ALCAM: variants seen among roughly 807,000 people sequenced by gnomAD.
ALCAM encodes activated leukocyte cell adhesion molecule.
In ALCAM, 30 loss-of-function variants were observed where a neutral mutation model predicts 70.9. That is an observed-to-expected ratio of 0.42 (90% CI 0.32 to 0.57). The LOEUF is 0.57. Among genes scored for constraint, ALCAM ranks in the 20% least tolerant of loss-of-function variants. The pLI is 0.11. For synonymous variants in ALCAM, 249 were observed against 242.5 expected, an observed-to-expected ratio of 1.03 and a Z score of -0.25; for missense variants, 591 against 695.1, an observed-to-expected ratio of 0.85 and a Z score of 1.68.
intron 1 of ALCAM, among the ~76,000 whole-genome samples, chr3:105,446,056 G>T (rs951681586): frequency 6.6e-6 from 1 of 152,116 alleles, no homozygotes; most frequent in African/African-American, 2.4e-5. Flanking sequence ...TACAGAATGG[G>T]AGAAAATATT....
chr3:105,458,164 A>G (rs1004494066), intron 1 of ALCAM, among the ~76,000 whole-genome samples: 1 of 152,118 alleles, frequency 6.6e-6, no homozygotes, highest in African/African-American at 2.4e-5. Context: ...TCATTCAGAG[A>G]TATATTTTAG....
chr3:105,495,333 A>G (rs1173579778), intron 1 of ALCAM, among the ~76,000 whole-genome samples: 1 of 152,204 alleles, frequency 6.6e-6, no homozygotes, highest in African/African-American at 2.4e-5. Flanking sequence ...CAGATTCTCT[A>G]TAAGTAGGAA....
chr3:105,572,784 G>A (rs1370182343), intron 15 of ALCAM, among the ~76,000 whole-genome samples: 2 of 152,118 alleles, frequency 1.3e-5, no homozygotes, highest in Non-Finnish European at 2.9e-5. Flanking sequence ...GACTCAGAAA[G>A]TGTTTTCGGA....
intron 1 of ALCAM, among the ~76,000 whole-genome samples, chr3:105,373,659 C>A (rs1006476468): frequency 6.6e-6 from 1 of 152,168 alleles, no homozygotes; most frequent in South Asian, 2.1e-4. Flanking sequence ...GTTTTTACCA[C>A]ATTGTATTAT....
At chr3:105,511,411 G>C (rs1165393599) in intron 1 of ALCAM, among the ~76,000 whole-genome samples, 1 of 151,818 alleles carries the variant, frequency 6.6e-6, no homozygotes, top group Non-Finnish European at 1.5e-5. Flanking sequence ...ATTTATCTTG[G>C]ACAAACATTC....
At position 105,461,334 on chromosome 3, in the gene ALCAM, T is replaced by C. The variant is rs149454090; in HGVS notation, c.74-58733T>C. ...TGCAACTAACTAAAAATTGAAATTTTATGATGTCCAAATAAAACACATATA... is the reference window on the plus strand; with the variant it reads ...TGCAACTAACTAAAAATTGAAATTTCATGATGTCCAAATAAAACACATATA... On this transcript the variant is annotated intron_variant, in intron 1 of 15. Transcript: ENST00000306107. 1.2e-3 allele frequency among the ~76,000 whole-genome samples: 176 copies of C among 151,942 alleles called. 1 individual carries two copies. The highest frequency in any genetic ancestry group is 2.1e-3 in the Non-Finnish European group (143 of 67,824).
intron 1 of ALCAM, among the ~76,000 whole-genome samples, chr3:105,512,541 G>A (rs1383685665): frequency 6.6e-6 from 1 of 151,816 alleles, no homozygotes; most frequent in Admixed American, 6.6e-5. Context: ...CAGAGCAATA[G>A]AATCTAAATA....
intron 1 of ALCAM, among the ~76,000 whole-genome samples, chr3:105,370,108 T>C (rs1935188735): frequency 6.6e-6 from 1 of 152,188 alleles, no homozygotes; most frequent in Non-Finnish European, 1.5e-5. Flanking sequence ...ATCTCACTGA[T>C]ATAAGATTCA....
At chr3:105,397,617 A>G (rs1298045048) in intron 1 of ALCAM, among the ~76,000 whole-genome samples, 2 of 151,846 alleles carry the variant, frequency 1.3e-5, no homozygotes, top group East Asian at 3.9e-4. Flanking sequence ...CCTCCCTCCA[A>G]TTTTCAATAA....
intron 1 of ALCAM, among the ~76,000 whole-genome samples, chr3:105,379,646 G>T (rs1162808902): frequency 2.6e-5 from 4 of 151,684 alleles, no homozygotes; most frequent in Non-Finnish European, 4.4e-5. Flanking sequence ...ATAAAATTAT[G>T]ATTTTAAATA....
Position 105,540,012 on chromosome 3 carries a change from A to G in ALCAM, c.768A>G (p.Pro256=), listed in dbSNP as rs764886320. Residue 256 remains proline (P), a synonymous_variant, in exon 7 of 16, where the codon CCA becomes CCG. Transcript: ENST00000306107. ...TEQVTIQVLP[P]KNAIKEGDNI... ...AGGTGACAATACAAGTGCTGCCACC[A>G]AAAAATGCCATCAAAGAAGGGGATA... The G allele has an allele frequency of 6.2e-7, 1 of 1,612,114 alleles. No homozygotes were observed. Among genetic ancestry groups the G allele is most frequent in the Non-Finnish European group, 8.5e-7 (1 of 1,178,622 alleles).
At chr3:105,475,291 T>C (rs1938076087) in intron 1 of ALCAM, among the ~76,000 whole-genome samples, 2 of 152,038 alleles carry the variant, frequency 1.3e-5, no homozygotes, top group Non-Finnish European at 2.9e-5. Context: ...CAGATAACTC[T>C]ATATAATATC....
chr3:105,466,910 A>G (rs1432160987), intron 1 of ALCAM, among the ~76,000 whole-genome samples: 1 of 151,388 alleles, frequency 6.6e-6, no homozygotes, highest in East Asian at 1.9e-4. Context: ...ACTCTGCAGA[A>G]ATGACTTACA....
At chr3:105,373,462 T>C (rs1054086582) in intron 1 of ALCAM, among the ~76,000 whole-genome samples, 1 of 152,148 alleles carries the variant, frequency 6.6e-6, no homozygotes, top group African/African-American at 2.4e-5. Flanking sequence ...TAAGTAGATT[T>C]TTATCCTCTC....
chr3:105,442,649 C>T (rs985320096), intron 1 of ALCAM, among the ~76,000 whole-genome samples: 3 of 151,802 alleles, frequency 2.0e-5, no homozygotes, highest in East Asian at 3.9e-4. Context: ...GGCGTGGTGG[C>T]GGGCACCTGT....
At chr3:105,396,213 A>G (rs780656403) in intron 1 of ALCAM, among the ~76,000 whole-genome samples, 14 of 152,080 alleles carry the variant, frequency 9.2e-5, no homozygotes, top group Admixed American at 2.6e-4. Flanking sequence ...TCTATATTCA[A>G]CAATTCAAGG....
intron 1 of ALCAM, among the ~76,000 whole-genome samples, chr3:105,427,625 C>T (rs1936823082): frequency 6.6e-6 from 1 of 151,840 alleles, no homozygotes. Flanking sequence ...AGGACAAGGG[C>T]TCTTAACCCC....
At chr3:105,385,312 A>G (rs1229925388) in intron 1 of ALCAM, among the ~76,000 whole-genome samples, 1 of 151,604 alleles carries the variant, frequency 6.6e-6, no homozygotes, top group Non-Finnish European at 1.5e-5. Context: ...AAAAGAGAGT[A>G]TTCTGTAAAA....
intron 1 of ALCAM, among the ~76,000 whole-genome samples, chr3:105,375,020 C>A (rs1208273071): frequency 6.6e-6 from 1 of 152,186 alleles, no homozygotes. Context: ...GGGTTGAAAC[C>A]TACACATTGA....
Sources: gnomAD v4.1 joint callset for allele counts (sites outside exome capture counted in the v4.1 genomes callset) on GRCh38, gnomAD v4.1.1 for gene constraint, MANE v1.5 for transcripts, NCBI Gene and HGNC (gene_info 2026-07-23, HGNC 2026-07-21) for gene names.